Variants in ARHGAP20 observed in about 807,000 individuals in gnomAD.
The protein encoded by ARHGAP20 is rho GTPase-activating protein 20.
ARHGAP20 carries 34 observed loss-of-function variants against 73.7 expected under a neutral mutation model. The observed-to-expected ratio is 0.46, with a 90% CI of 0.35 to 0.61. ARHGAP20 has a LOEUF of 0.61. Among genes scored for constraint, ARHGAP20 ranks in the 20% least tolerant of loss-of-function variants. The probability of loss-of-function intolerance (pLI) is 0.00; values close to 1 mark genes in which losing one functional copy is unlikely to be tolerated. For missense variants in ARHGAP20, 1,314 were observed against 1,420.9 expected (o/e 0.92, Z 1.21); for synonymous variants, 523 against 518.2 (o/e 1.01, Z -0.13).
intron 2 of ARHGAP20, among the ~76,000 whole-genome samples, chr11:110,632,791 T>C (rs1451781603): frequency 6.6e-6 from 1 of 152,220 alleles, no homozygotes; most frequent in African/African-American, 2.4e-5. Context: ...GTGAACTGTC[T>C]TCAAATCTTT....
chr11:110,577,276 T>C lies in ARHGAP20; in HGVS notation c.*2094A>G, dbSNP rs1947309624. ...TCTAATATATTATAGATTGATGGAGTATAATAAAATGACATATAGTCTGTC... is the reference window on the plus strand; with the variant it reads ...TCTAATATATTATAGATTGATGGAGCATAATAAAATGACATATAGTCTGTC... On this transcript the variant is annotated 3_prime_UTR_variant, in exon 15 of 15. Coordinates refer to ENST00000683387, the MANE Select transcript of ARHGAP20 (RefSeq NM_001384657.1). 5.0e-6 allele frequency: 7 copies of C among 1,393,134 alleles called. No homozygotes were observed. The highest frequency in any genetic ancestry group is 6.5e-6 in the Non-Finnish European group (7 of 1,071,198). The allele number at this position is 1,393,134 out of a possible 1,614,324, so 86.3% of individuals were successfully genotyped here. A position where few individuals can be genotyped will look rare whatever the true frequency, so the allele number is the denominator to read the frequency against.
chr11:110,693,117 T>C (rs571143790), intron 1 of ARHGAP20, among the ~76,000 whole-genome samples: 1 of 152,158 alleles, frequency 6.6e-6, no homozygotes, highest in South Asian at 2.1e-4. Context: ...AAATCTACTG[T>C]AGAAGATCAT....
In ARHGAP20 at chr11:110,624,589, C is replaced by T. The variant is rs112977604; in HGVS notation, c.354-278G>A. Among the ~76,000 whole-genome samples, 733 of 151,522 alleles carry T rather than the reference C, an allele frequency of 4.8e-3. 1 individual carries two copies. Among genetic ancestry groups the T allele is most frequent in the African/African-American group, 0.017 (690 of 41,306 alleles). The stretch of plus-strand genomic sequence containing the variant: ...GCAAACCACCATGGCACACGTAACC[C>T]TATGCAACAAACCTGCACATTCTGC... On this transcript the variant is annotated intron_variant, in intron 3 of 14. Transcript: ENST00000683387.
chr11:110,601,862 C>A (rs965469166), intron 9 of ARHGAP20, among the ~76,000 whole-genome samples: 4 of 151,694 alleles, frequency 2.6e-5, no homozygotes, highest in Non-Finnish European at 4.4e-5. Flanking sequence ...TGGTGGCAGG[C>A]GCCTGTAATC....
intron 2 of ARHGAP20, among the ~76,000 whole-genome samples, chr11:110,687,803 T>C (rs542314991): frequency 1.3e-5 from 2 of 152,296 alleles, no homozygotes; most frequent in South Asian, 4.1e-4. Context: ...TGCTCAGACA[T>C]GATTATACTA....
chr11:110,630,866 ATT>A, intron 2 of ARHGAP20, 74 bp from the exon 3 acceptor site: 1 of 1,473,418 alleles, frequency 6.8e-7, no homozygotes, highest in Non-Finnish European at 9.2e-7. Flanking sequence ...AAATTCTGTA[ATT>A]TTTTTTAATA....
chr11:110,635,921 G>A (rs1948957587), intron 2 of ARHGAP20, among the ~76,000 whole-genome samples: 1 of 152,014 alleles, frequency 6.6e-6, no homozygotes. Context: ...ACCGAGCAAG[G>A]ACAAGGCTAC....
intron 2 of ARHGAP20, among the ~76,000 whole-genome samples, chr11:110,660,116 C>A (rs1203640447): frequency 2.7e-5 from 4 of 149,358 alleles, no homozygotes; most frequent in Non-Finnish European, 5.9e-5. Context: ...AATTTTTAAG[C>A]CTATATCAGA....
chr11:110,683,806 A>G (rs1282653092), intron 2 of ARHGAP20, among the ~76,000 whole-genome samples: 2 of 152,194 alleles, frequency 1.3e-5, no homozygotes, highest in African/African-American at 4.8e-5. Context: ...TCATCTTTAT[A>G]GATTTTTAAC....
In ARHGAP20 at chr11:110,577,748, T is replaced by C; in HGVS notation, c.*1622A>G. 1.0e-6 allele frequency: 1 copy of C among 985,874 alleles called. No individual in the cohort carries two copies. The highest frequency in any genetic ancestry group is 1.2e-6 in the Non-Finnish European group (1 of 829,946). 61.1% of individuals were successfully genotyped at this position (985,874 alleles called of 1,614,324 possible). On this transcript the variant is annotated 3_prime_UTR_variant, in exon 15 of 15. Coordinates refer to ENST00000683387, the MANE Select transcript of ARHGAP20 (RefSeq NM_001384657.1). ...GATACAGAGTTCTAAAAGATCATTG[T>C]AATGGTTAGCGCAAACAGGGCCATG...
chr11:110,640,131 T>C (rs1164815358), intron 2 of ARHGAP20, among the ~76,000 whole-genome samples: 1 of 152,002 alleles, frequency 6.6e-6, no homozygotes. Flanking sequence ...TTTGAGAATA[T>C]TCTAATTAAA....
intron 9 of ARHGAP20, among the ~76,000 whole-genome samples, chr11:110,594,743 T>A (rs1179489032): frequency 1.3e-5 from 2 of 152,030 alleles, no homozygotes; most frequent in African/African-American, 2.4e-5. Context: ...CTTCTGAAAC[T>A]ATTCCAATCA....
At chr11:110,640,068 T>A (rs1222324695) in intron 2 of ARHGAP20, among the ~76,000 whole-genome samples, 1 of 152,020 alleles carries the variant, frequency 6.6e-6, no homozygotes, top group Admixed American at 6.6e-5. Context: ...AGGATCCTAG[T>A]GTTACTTTAG....
rs184645208 is a variant in ARHGAP20, at chr11:110,676,971, A to T, written c.188+13576T>A. On this transcript the variant is annotated intron_variant, in intron 2 of 14. Transcript: ENST00000683387. Reference sequence around the variant, plus strand: ...GAACCTGACAAAGGATCACAGTTGGATTCAATGTATAGAAATTATTCTTTT... The same window carrying T: ...GAACCTGACAAAGGATCACAGTTGGTTTCAATGTATAGAAATTATTCTTTT... 1.9e-3 allele frequency among the ~76,000 whole-genome samples: 285 copies of T among 152,306 alleles called. 1 individual carries two copies. Among genetic ancestry groups the T allele is most frequent in the Admixed American group, 3.3e-3 (50 of 15,300 alleles).
intron 1 of ARHGAP20, among the ~76,000 whole-genome samples, chr11:110,692,517 C>T (rs1950263272): frequency 6.6e-6 from 1 of 152,042 alleles, no homozygotes; most frequent in South Asian, 2.1e-4. Flanking sequence ...TGAGGATCTG[C>T]CATTCAGCAG....
At chr11:110,584,036 C>T (rs1286590734) in intron 12 of ARHGAP20, among the ~76,000 whole-genome samples, 2 of 152,022 alleles carry the variant, frequency 1.3e-5, no homozygotes, top group African/African-American at 4.8e-5. Flanking sequence ...CTGAAACTAG[C>T]ATAATGCAAA....
intron 1 of ARHGAP20, among the ~76,000 whole-genome samples, chr11:110,696,515 C>A (rs1440323893): frequency 6.6e-6 from 1 of 151,554 alleles, no homozygotes; most frequent in Admixed American, 6.6e-5. Context: ...CATTTGAGTT[C>A]TTCAGAGATC....
intron 9 of ARHGAP20, among the ~76,000 whole-genome samples, chr11:110,603,602 G>T (rs1329000776): frequency 6.6e-6 from 1 of 152,164 alleles, no homozygotes; most frequent in Admixed American, 6.5e-5. Flanking sequence ...TACAGTTCGA[G>T]TAGTGTTTTA....
chr11:110,646,739 T>C (rs1306919089), intron 2 of ARHGAP20, among the ~76,000 whole-genome samples: 1 of 152,134 alleles, frequency 6.6e-6, no homozygotes, highest in Non-Finnish European at 1.5e-5. Context: ...GTCACTTACA[T>C]ATTAATGATT....
Sources: gnomAD v4.1 joint callset for allele counts (sites outside exome capture counted in the v4.1 genomes callset) on GRCh38, gnomAD v4.1.1 for gene constraint, MANE v1.5 for transcripts, NCBI Gene and HGNC (gene_info 2026-07-23, HGNC 2026-07-21) for gene names.